NSD1: variants seen among roughly 807,000 people sequenced by gnomAD.
NSD1 encodes histone-lysine N-methyltransferase, H3 lysine-36 specific.
NSD1 carries 26 observed loss-of-function variants against 242.7 expected under a neutral mutation model. The observed-to-expected ratio is 0.11, with a 90% CI of 0.08 to 0.15. NSD1 has a LOEUF of 0.15. NSD1 is among the 10% of genes least tolerant of loss of function. The pLI, the probability that NSD1 is intolerant of heterozygous loss-of-function variation, is 1.00. For synonymous variants in NSD1, 1,106 were observed against 1,178.1 expected, an observed-to-expected ratio of 0.94 and a Z score of 1.25; for missense variants, 2,495 against 3,272.8, an observed-to-expected ratio of 0.76 and a Z score of 5.80.
chr5:177,141,481 C>T (rs1195553816), intron 2 of NSD1, among the ~76,000 whole-genome samples: 1 of 151,550 alleles, frequency 6.6e-6, no homozygotes, highest in Non-Finnish European at 1.5e-5. Flanking sequence ...CAGGCGCCCT[C>T]CACCATGCTT....
At chr5:177,174,013 A>G (rs1008084795) in intron 2 of NSD1, among the ~76,000 whole-genome samples, 3 of 152,148 alleles carry the variant, frequency 2.0e-5, no homozygotes, top group African/African-American at 7.2e-5. Flanking sequence ...TGTTATTTTC[A>G]TATTCACATT....
At chr5:177,248,462 A>G (rs565065928) in intron 11 of NSD1, 138 bp downstream of exon 11, 1 of 1,157,180 alleles carries the variant, frequency 8.6e-7, no homozygotes, top group African/African-American at 1.5e-5. Context: ...TTCTTTAAGG[A>G]TTTGACCCCT....
At chr5:177,236,067 T>C in intron 6 of NSD1, 122 bp downstream of exon 6, 3 of 1,073,590 alleles carry the variant, frequency 2.8e-6, no homozygotes, top group Non-Finnish European at 4.2e-6. Context: ...TTTTTTATTC[T>C]CAGCTTCTAG....
At chr5:177,200,361 GGCCTCCCAAGGTGCTGTCCTGCCTCA>G (rs1188096674) in intron 3 of NSD1, among the ~76,000 whole-genome samples, 3 of 151,906 alleles carry the variant, frequency 2.0e-5, no homozygotes, top group South Asian at 2.1e-4. Flanking sequence ...CTCCCGCCTC[GGCCTCCCAAGGTGCTGTCCTGCCTCA>G]GCCTCCCAAG....
chr5:177,168,991 T>A (rs569301685), intron 2 of NSD1, among the ~76,000 whole-genome samples: 2 of 152,330 alleles, frequency 1.3e-5, no homozygotes, highest in East Asian at 3.9e-4. Flanking sequence ...CAACGTGTAG[T>A]TGGGCATTGT....
intron 2 of NSD1, among the ~76,000 whole-genome samples, chr5:177,175,625 C>T (rs1274062866): frequency 6.6e-6 from 1 of 151,638 alleles, no homozygotes; most frequent in Non-Finnish European, 1.5e-5. Flanking sequence ...TGAGAATCTG[C>T]CTTAAAAAAA....
intron 2 of NSD1, among the ~76,000 whole-genome samples, chr5:177,144,712 T>C (rs1757093048): frequency 6.6e-6 from 1 of 152,196 alleles, no homozygotes; most frequent in African/African-American, 2.4e-5. Flanking sequence ...AATTGAACAG[T>C]TACTTTTGAA....
At chr5:177,222,773 C>A (rs185416709) in intron 5 of NSD1, among the ~76,000 whole-genome samples, 10 of 152,062 alleles carry the variant, frequency 6.6e-5, no homozygotes, top group African/African-American at 2.2e-4. Flanking sequence ...CAAGTATTTT[C>A]TCCTATTCTT....
rs1043487873 is a variant in NSD1 at position 177,299,529 on chromosome 5, CCT to C, written c.*4075_*4076del. ...GGGTCTTCCTCAGCTCCCTTCTGCCCCTCTCTACCTCTTCCACTCATGGAAGC... is the reference window on the plus strand; with the variant it reads ...GGGTCTTCCTCAGCTCCCTTCTGCCCCTCTACCTCTTCCACTCATGGAAGC... On this transcript the variant is annotated 3_prime_UTR_variant, in exon 23 of 23. Transcript: ENST00000439151. 3.9e-5 allele frequency: 9 copies of C among 233,200 alleles called. No homozygotes were observed. The highest frequency in any genetic ancestry group is 2.4e-4 in the East Asian group (4 of 16,610). 14.4% of individuals were successfully genotyped at this position (233,200 alleles called of 1,614,324 possible). A position where few individuals can be genotyped will look rare whatever the true frequency, so the allele number is the denominator to read the frequency against.
At chr5:177,287,256 T>G (rs181648390) in intron 20 of NSD1, among the ~76,000 whole-genome samples, 1 of 152,276 alleles carries the variant, frequency 6.6e-6, no homozygotes, top group Non-Finnish European at 1.5e-5. Context: ...TATCCTGCTT[T>G]CTTTTATTTG....
Position 177,258,716 on chromosome 5 carries a change from A to T in NSD1, c.4967-1273A>T, listed in dbSNP as rs568391932. On this transcript the variant is annotated intron_variant, in intron 13 of 22. Transcript: ENST00000439151. ...ATGCCCAGCTAATTTTTGTATTTTT[A>T]GTAGAGACAGGGTTTCATCATATCG... 7.2e-5 allele frequency among the ~76,000 whole-genome samples: 11 copies of T among 152,036 alleles called. No individual in the cohort carries two copies. The East Asian group carries it at 1.9e-3, about 27-fold the overall frequency.
chr5:177,229,376 T>C (rs1401891650), intron 5 of NSD1, among the ~76,000 whole-genome samples: 1 of 152,242 alleles, frequency 6.6e-6, no homozygotes, highest in East Asian at 1.9e-4. Context: ...GCATATTTGC[T>C]GAGAACCTTA....
chr5:177,206,918 A>G (rs993866910), intron 4 of NSD1, among the ~76,000 whole-genome samples: 3 of 148,846 alleles, frequency 2.0e-5, no homozygotes, highest in Admixed American at 6.7e-5. Context: ...AGAGGAGGCT[A>G]CTCCTCTAGT....
At chr5:177,273,312 T>TAAAAAAAAAA (rs11452158) in intron 16 of NSD1, among the ~76,000 whole-genome samples, 2 of 90,888 alleles carry the variant, frequency 2.2e-5, no homozygotes, top group Middle Eastern at 6.0e-3. Context: ...ACTGATGAGC[T>TAAAAAAAAAA]AAAAAAAAAA....
Position 177,166,540 on chromosome 5 carries a change from G to A in NSD1, c.928-25344G>A, listed in dbSNP as rs11953115. 4.3e-3 allele frequency among the ~76,000 whole-genome samples: 648 copies of A among 149,472 alleles called. 3 individuals are homozygous for A. The highest frequency in any genetic ancestry group is 0.015 in the African/African-American group (592 of 40,434). On this transcript the variant is annotated intron_variant, in intron 2 of 22. Transcript: ENST00000439151. ...AGCCTGGGTAATAGAGTGAGATGCT[G>A]TCTGAAAAAAAAAAAAAGTTTTAGT...
chr5:177,241,283 G>A (rs184852758), intron 8 of NSD1, among the ~76,000 whole-genome samples: 3 of 151,756 alleles, frequency 2.0e-5, no homozygotes, highest in Non-Finnish European at 4.4e-5. Context: ...GATCACTTGC[G>A]GTCAGGAGTT....
At chr5:177,160,767 A>G (rs10463063) in intron 2 of NSD1, among the ~76,000 whole-genome samples, 15,432 of 152,036 alleles carry the variant, frequency 0.1, 1,322 homozygotes, top group African/African-American at 0.24. Context: ...AGGCACTGGT[A>G]AGATAGGAGT....
chr5:177,252,326 G>A (rs868600393), intron 12 of NSD1, among the ~76,000 whole-genome samples: 8 of 152,186 alleles, frequency 5.3e-5, no homozygotes, highest in African/African-American at 7.2e-5. Context: ...CTTAATCTGC[G>A]TAGTGATTAC....
chr5:177,176,156 C>T (rs562069580), intron 2 of NSD1, among the ~76,000 whole-genome samples: 1 of 152,284 alleles, frequency 6.6e-6, no homozygotes, highest in East Asian at 1.9e-4. Context: ...GATTGCAGGC[C>T]TTAGCCACTG....
Sources: allele counts gnomAD v4.1 joint callset (sites outside exome capture counted in the v4.1 genomes callset), GRCh38; gene constraint gnomAD v4.1.1; transcripts MANE v1.5; gene names NCBI Gene and HGNC (gene_info 2026-07-23, HGNC 2026-07-21).